Variants in COBL observed in about 807,000 individuals in gnomAD.
COBL encodes the protein protein cordon-bleu.
Under a neutral mutation model 98.8 loss-of-function variants are expected in COBL, and 51 were observed. The observed-to-expected ratio is 0.52, with a 90% confidence interval of 0.41 to 0.65. COBL has a LOEUF of 0.65. Ranked by LOEUF, COBL falls within the 30% of genes least tolerant of loss-of-function variation. The pLI, the probability that COBL is intolerant of heterozygous loss-of-function variation, is 0.00. For missense variants in COBL, 1,617 were observed against 1,617.5 expected (o/e 1.00, Z 0.01); for synonymous variants, 634 against 651.7 (o/e 0.97, Z 0.41).
chr7:51,035,785 C>T (rs1788573847), intron 8 of COBL: 1 of 152,182 alleles, frequency 6.6e-6, no homozygotes, highest in Non-Finnish European at 1.5e-5. Flanking sequence ...TTGGACCAGA[C>T]ACTTGGCAAG....
intron 5 of COBL, among the ~76,000 whole-genome samples, chr7:51,145,356 G>A (rs749525625): frequency 1.3e-5 from 2 of 149,358 alleles, no homozygotes; most frequent in Non-Finnish European, 3.0e-5. Flanking sequence ...GAGAATTGTG[G>A]CTCATATGTT....
At chr7:51,156,173 AG>A in intron 5 of COBL, 1 of 984,878 alleles carries the variant, frequency 1.0e-6, no homozygotes, top group Non-Finnish European at 1.2e-6. Flanking sequence ...TGATTTTTGT[AG>A]TTCAACCAAA....
At chr7:51,240,956 C>T (rs1354164956) in intron 1 of COBL, among the ~76,000 whole-genome samples, 1 of 152,186 alleles carries the variant, frequency 6.6e-6, no homozygotes, top group Non-Finnish European at 1.5e-5. Flanking sequence ...AAGGGCTATC[C>T]CAGAGGTACT....
chr7:51,072,842 A>G (rs2128925050), intron 7 of COBL: 1 of 152,408 alleles, frequency 6.6e-6, no homozygotes, highest in East Asian at 1.9e-4. Context: ...GTATCATTGA[A>G]TGGATAGTAT....
At chr7:51,174,646 A>G (rs974199077) in intron 5 of COBL, among the ~76,000 whole-genome samples, 1 of 152,184 alleles carries the variant, frequency 6.6e-6, no homozygotes, top group African/African-American at 2.4e-5. Flanking sequence ...ACTGGACACC[A>G]TAACTCCTAC....
intron 5 of COBL, among the ~76,000 whole-genome samples, chr7:51,144,703 C>T (rs1256045302): frequency 6.6e-6 from 1 of 152,156 alleles, no homozygotes; most frequent in Non-Finnish European, 1.5e-5. Flanking sequence ...CTCCCCAATC[C>T]CCTTTCCCCA....
chr7:51,201,503 T>C (rs908255815), intron 2 of COBL, among the ~76,000 whole-genome samples: 30 of 152,174 alleles, frequency 2.0e-4, no homozygotes, highest in African/African-American at 7.0e-4. Flanking sequence ...ACAATAATAA[T>C]ACAATAATAT....
chr7:51,112,359 A>T (rs1008208508), intron 6 of COBL, among the ~76,000 whole-genome samples: 1 of 152,214 alleles, frequency 6.6e-6, no homozygotes, highest in African/African-American at 2.4e-5. Context: ...GAGAACTTCT[A>T]AGATATGGAC....
rs1258669668 is a variant in COBL at position 51,233,702 on chromosome 7, T to A, written c.42-13758A>T. Among the ~76,000 whole-genome samples, 4 of 152,206 alleles carry A rather than the reference T, an allele frequency of 2.6e-5. No individual in the cohort carries two copies. In the East Asian group the frequency reaches 5.8e-4, roughly 22 times the overall value. On this transcript the variant is annotated intron_variant, in intron 1 of 12. Transcript: ENST00000265136. Reference sequence around the variant, plus strand: ...GGACTGTGAGAATTTCTCAGGAAAATGAACCCCAACTCCCTTCACTTGGGG... The same window carrying A: ...GGACTGTGAGAATTTCTCAGGAAAAAGAACCCCAACTCCCTTCACTTGGGG...
chr7:51,049,796 C>T (rs1314402884), intron 7 of COBL, among the ~76,000 whole-genome samples: 3 of 152,142 alleles, frequency 2.0e-5, no homozygotes, highest in Admixed American at 1.3e-4. Flanking sequence ...TGTGCACACA[C>T]GGGTGTGCAA....
intron 7 of COBL, among the ~76,000 whole-genome samples, chr7:51,057,974 T>G (rs1404408606): frequency 6.6e-6 from 1 of 152,240 alleles, no homozygotes; most frequent in African/African-American, 2.4e-5. Flanking sequence ...TAAATTAGGA[T>G]TATTTTAGTT....
rs1305989296 is a variant in COBL, at chr7:51,226,550, GTGAGTGAC to G, written c.42-6614_42-6607del. On this transcript the variant is annotated intron_variant, in intron 1 of 12. Coordinates refer to ENST00000265136, the MANE Select transcript of COBL (RefSeq NM_015198.5). ...AGTGAGTGAGTGAGTGAGTGAGTAA[GTGAGTGAC>G]TAAGTGAGTGAGTAAGTGAGTGAGT... is the stretch of plus-strand genomic sequence containing the variant. Among the ~76,000 whole-genome samples the G allele has an allele frequency of 2.7e-5, 4 of 149,836 alleles. No individual in the cohort carries two copies. In the East Asian group the frequency reaches 8.7e-4, roughly 33 times the overall value.
chr7:51,162,799 A>G (rs936672820), intron 5 of COBL, among the ~76,000 whole-genome samples: 2 of 152,242 alleles, frequency 1.3e-5, no homozygotes, highest in Non-Finnish European at 2.9e-5. Flanking sequence ...CCAATGATGT[A>G]GGCTTGCCCT....
chr7:51,225,885 G>C (rs1794129968), intron 1 of COBL, among the ~76,000 whole-genome samples: 1 of 152,188 alleles, frequency 6.6e-6, no homozygotes, highest in Admixed American at 6.5e-5. Context: ...GGCCCAGGTA[G>C]CTGAATTAAA....
chr7:51,098,219 A>ATTTTTTTT (rs1554384788), intron 6 of COBL, among the ~76,000 whole-genome samples: 1 of 57,014 alleles, frequency 1.8e-5, no homozygotes, highest in Non-Finnish European at 3.3e-5. Context: ...TCCCAATAGC[A>ATTTTTTTT]GTTTCTTTTT....
At chr7:51,185,629 T>C (rs552021899) in intron 4 of COBL, among the ~76,000 whole-genome samples, 59 of 152,338 alleles carry the variant, frequency 3.9e-4, no homozygotes, top group African/African-American at 1.3e-3. Flanking sequence ...TCCTGGAGGA[T>C]AGAAAAATGA....
chr7:51,308,146 C>T (rs1289182753), intron 1 of COBL, among the ~76,000 whole-genome samples: 1 of 152,176 alleles, frequency 6.6e-6, no homozygotes, highest in Non-Finnish European at 1.5e-5. Context: ...CTCCCTCCAG[C>T]CTAACAGTTT....
intron 1 of COBL, among the ~76,000 whole-genome samples, chr7:51,266,448 C>CCGGGT (rs1798209133): frequency 2.0e-5 from 3 of 152,128 alleles, no homozygotes; most frequent in African/African-American, 7.2e-5. Context: ...CATGGTGGCG[C>CCGGGT]ATTCCTGTAA....
intron 5 of COBL, among the ~76,000 whole-genome samples, chr7:51,179,872 C>G (rs1295035243): frequency 6.6e-6 from 1 of 152,176 alleles, no homozygotes; most frequent in African/African-American, 2.4e-5. Flanking sequence ...ACTGAAGTGA[C>G]AGAGCACTGA....
Sources: allele counts gnomAD v4.1 joint callset (sites outside exome capture counted in the v4.1 genomes callset), GRCh38; gene constraint gnomAD v4.1.1; transcripts MANE v1.5; gene names NCBI Gene and HGNC (gene_info 2026-07-23, HGNC 2026-07-21).